The following RBFOX1 variants were observed in gnomAD, a reference collection of about 807,000 sequenced individuals.
RBFOX1 encodes the protein RNA binding protein fox-1 homolog 1.
RBFOX1 carries 8 observed loss-of-function variants against 57.7 expected under a neutral mutation model. The observed-to-expected ratio is 0.14, with a 90% confidence interval of 0.08 to 0.25. The LOEUF (loss-of-function observed/expected upper bound fraction) is 0.25, where lower values mean the gene tolerates loss of function less well. Among genes scored for constraint, RBFOX1 ranks in the 10% least tolerant of loss-of-function variants. RBFOX1 has a pLI of 1.00. For synonymous variants in RBFOX1, 326 were observed against 222.4 expected, an observed-to-expected ratio of 1.47 and a Z score of -4.15; for missense variants, 611 against 548.5, an observed-to-expected ratio of 1.11 and a Z score of -1.14.
chr16:5,972,789 G>T (rs575040762), intron 4 of RBFOX1, among the ~76,000 whole-genome samples: 21 of 152,280 alleles, frequency 1.4e-4, no homozygotes, highest in African/African-American at 4.3e-4. Context: ...CTATCTGTTT[G>T]CCACCTTCCT....
chr16:5,856,185 C>CA (rs2057030336), intron 3 of RBFOX1, among the ~76,000 whole-genome samples: 2 of 39,882 alleles, frequency 5.0e-5, no homozygotes, highest in African/African-American at 2.3e-4. Context: ...CTCTCTCTCT[C>CA]TCTATATATA....
rs145492844 is a variant in RBFOX1 at position 5,735,506 on chromosome 16, G to A, written c.319-131797G>A. ...ATGCCCCACCCTTCAGTTCCTTCCCGCTTCCGCATCTTGACCCTTCTCCTG... is the reference window on the plus strand; with the variant it reads ...ATGCCCCACCCTTCAGTTCCTTCCCACTTCCGCATCTTGACCCTTCTCCTG... On this transcript the variant is annotated intron_variant, in intron 3 of 19. Transcript: ENST00000641259. Among the ~76,000 whole-genome samples, 595 of 152,266 alleles carry A rather than the reference G, an allele frequency of 3.9e-3. 3 individuals carry two copies. Among genetic ancestry groups the A allele is most frequent in the African/African-American group, 0.013 (551 of 41,548 alleles).
intron 3 of RBFOX1, among the ~76,000 whole-genome samples, chr16:6,841,529 C>G (rs1194395544): frequency 2.0e-5 from 3 of 152,128 alleles, no homozygotes; most frequent in South Asian, 2.1e-4. Context: ...AACAACCTAA[C>G]CTCACGCTAA....
In RBFOX1 at chr16:6,562,863, TCTTTCTTTCTTTCTTTC is replaced by T. The variant is rs1455189290; in HGVS notation, c.-63-91739_-63-91723del. Among the ~76,000 whole-genome samples the T allele has an allele frequency of 3.0e-3, 191 of 62,794 alleles. 4 individuals are homozygous for T. Among genetic ancestry groups the T allele is most frequent in the African/African-American group, 0.011 (136 of 11,842 alleles). The allele number at this position is 62,794 out of a possible 152,430, so 41.2% of individuals were successfully genotyped here. A position where few individuals can be genotyped will look rare whatever the true frequency, so the allele number is the denominator to read the frequency against. On this transcript the variant is annotated intron_variant, in intron 2 of 15. Transcript: ENST00000550418. ...TTCTTTCTTTCTTTCTTTCTTTCTT[TCTTTCTTTCTTTCTTTC>T]TTTTTTTTTTTTTTTTTTGCATAGT...
At chr16:7,438,303 G>C (rs916497743) in intron 4 of RBFOX1, among the ~76,000 whole-genome samples, 7 of 152,150 alleles carry the variant, frequency 4.6e-5, no homozygotes, top group Non-Finnish European at 7.3e-5. Context: ...AGATTGTAAA[G>C]TGGATGTGAG....
chr16:7,457,294 A>G (rs13331134), intron 4 of RBFOX1, among the ~76,000 whole-genome samples: 6,429 of 152,144 alleles, frequency 0.042, 455 homozygotes, highest in African/African-American at 0.15. Context: ...AATAGCAAAC[A>G]CTATCTTCCG....
chr16:6,568,681 C>T (rs563001000), intron 2 of RBFOX1, among the ~76,000 whole-genome samples: 1 of 152,148 alleles, frequency 6.6e-6, no homozygotes, highest in Non-Finnish European at 1.5e-5. Context: ...ACATGTAACT[C>T]TGTATAACAG....
chr16:6,733,324 A>T (rs544240814), intron 3 of RBFOX1, among the ~76,000 whole-genome samples: 1 of 152,312 alleles, frequency 6.6e-6, no homozygotes, highest in South Asian at 2.1e-4. Context: ...TTGGGCATAT[A>T]TGTAGTCCTT....
At chr16:6,850,191 C>A (rs1432159880) in intron 3 of RBFOX1, among the ~76,000 whole-genome samples, 6 of 152,150 alleles carry the variant, frequency 3.9e-5, no homozygotes, top group African/African-American at 1.4e-4. Context: ...TCAGTGAATT[C>A]AGTTGTTCCT....
At chr16:5,664,558 T>G (rs1596650732) in intron 3 of RBFOX1, among the ~76,000 whole-genome samples, 1 of 151,364 alleles carries the variant, frequency 6.6e-6, no homozygotes, top group African/African-American at 2.4e-5. Flanking sequence ...AAAAAAAAAG[T>G]GGATTCCTGT....
At chr16:6,189,253 C>G (rs2097126941) in intron 1 of RBFOX1, among the ~76,000 whole-genome samples, 1 of 152,206 alleles carries the variant, frequency 6.6e-6, no homozygotes. Context: ...GCTGATGGCA[C>G]AGGGAGATAC....
At chr16:7,579,133 G>C (rs770575250) in intron 5 of RBFOX1, among the ~76,000 whole-genome samples, 9 of 152,172 alleles carry the variant, frequency 5.9e-5, no homozygotes, top group Non-Finnish European at 1.2e-4. Flanking sequence ...TTTTAATTCA[G>C]TTAAATGTAA....
Position 6,019,717 on chromosome 16 carries a change from C to G in RBFOX1, c.-402C>G. On this transcript the variant is annotated 5_prime_UTR_variant, in exon 1 of 16. Coordinates refer to ENST00000550418, the MANE Select transcript of RBFOX1 (RefSeq NM_018723.4). This position sits in a 1 kb window ranked among gnomAD's most constrained non-coding sequence, Gnocchi z 4.2. ...CTTGCCCAGGCAGAGAGAGCAGGAG[C>G]GGACCGCGCGCCCGGGATTGAGAGT... 2 of 1,371,918 alleles carry G rather than the reference C, an allele frequency of 1.5e-6. No homozygotes were observed. The highest frequency in any genetic ancestry group is 3.4e-5 in the South Asian group (2 of 59,468). 85.0% of individuals were successfully genotyped at this position (1,371,918 alleles called of 1,614,324 possible).
intron 1 of RBFOX1, among the ~76,000 whole-genome samples, chr16:5,372,974 C>T (rs1379817438): frequency 6.6e-6 from 1 of 152,226 alleles, no homozygotes; most frequent in Non-Finnish European, 1.5e-5. Flanking sequence ...CACAGGCTAG[C>T]TTCTGTCTCA....
At chr16:5,648,193 C>T (rs1414463411) in intron 3 of RBFOX1, among the ~76,000 whole-genome samples, 1 of 152,050 alleles carries the variant, frequency 6.6e-6, no homozygotes, top group Admixed American at 6.5e-5. Flanking sequence ...ACACTAACCA[C>T]GACAATACAT....
intron 3 of RBFOX1, among the ~76,000 whole-genome samples, chr16:6,924,426 G>T (rs982305806): frequency 2.6e-5 from 4 of 151,934 alleles, no homozygotes; most frequent in African/African-American, 7.2e-5. Flanking sequence ...AACTAACAGA[G>T]TGAGTGCTCA....
chr16:7,249,316 A>G (rs944715117), intron 4 of RBFOX1, among the ~76,000 whole-genome samples: 1 of 151,778 alleles, frequency 6.6e-6, no homozygotes, highest in Non-Finnish European at 1.5e-5. Flanking sequence ...AAGTGGTGCA[A>G]TAGAGAATAA....
intron 1 of RBFOX1, among the ~76,000 whole-genome samples, chr16:6,231,979 G>T (rs1024648092): frequency 1.3e-5 from 2 of 152,060 alleles, no homozygotes; most frequent in Non-Finnish European, 2.9e-5. Context: ...CGGGAGGGAG[G>T]TGGATTTGTA....
intron 3 of RBFOX1, among the ~76,000 whole-genome samples, chr16:6,659,912 C>G (rs145176526): frequency 1.8e-3 from 272 of 152,192 alleles, no homozygotes; most frequent in African/African-American, 6.0e-3. Flanking sequence ...AGAGTAGATA[C>G]ACGGGTTAGA....
Sources: gnomAD v4.1 joint callset for allele counts (sites outside exome capture counted in the v4.1 genomes callset) on GRCh38, gnomAD v4.1.1 for gene constraint, Gnocchi (gnomAD v3.1) non-coding constraint, MANE v1.5 for transcripts, NCBI Gene and HGNC (gene_info 2026-07-23, HGNC 2026-07-21) for gene names.